Variants in HMG20B observed in about 807,000 individuals in gnomAD.
HMG20B encodes high mobility group 20B, also known as SWI/SNF-related matrix-associated actin-dependent regulator of chromatin subfamily E member 1-related.
Under a neutral mutation model 41.6 loss-of-function variants are expected in HMG20B, and 24 were observed. That is an observed-to-expected ratio of 0.58 (90% CI 0.42 to 0.81). HMG20B has a LOEUF of 0.81. HMG20B is among the 30% of genes least tolerant of loss of function. The pLI, the probability that HMG20B is intolerant of heterozygous loss-of-function variation, is 0.00. For missense variants in HMG20B, 461 were observed against 444.0 expected (o/e 1.04, Z -0.34); for synonymous variants, 251 against 186.6 (o/e 1.34, Z -2.81).
Position 3,578,953 on chromosome 19 carries a change from T to G in HMG20B, c.*432T>G. On this transcript the variant is annotated 3_prime_UTR_variant, in exon 10 of 10. Coordinates refer to ENST00000333651, the MANE Select transcript of HMG20B (RefSeq NM_006339.3). ...ACCTGGGGTGTCCCCCGCATGCCTG[T>G]ACCCCAGATGGGTGGGGGCCGGCTT... 1 of 386,256 alleles carries G rather than the reference T, an allele frequency of 2.6e-6. No individual in the cohort carries two copies. The highest frequency in any genetic ancestry group is 5.1e-6 in the Non-Finnish European group (1 of 194,758). The allele number at this position is 386,256 out of a possible 1,614,324, so 23.9% of individuals were successfully genotyped here. A position where few individuals can be genotyped will look rare whatever the true frequency, so the allele number is the denominator to read the frequency against.
At chr19:3,576,478 T>G (rs2032164735) in intron 6 of HMG20B, 75 bp from the exon 7 acceptor site, 6 of 1,450,940 alleles carry the variant, frequency 4.1e-6, no homozygotes, top group Non-Finnish European at 5.8e-6. Flanking sequence ...GAGACCCTCC[T>G]AGGCTTGGGG....
intron 2 of HMG20B, 104 bp downstream of exon 2, chr19:3,573,451 C>A (rs542952568): frequency 4.0e-6 from 5 of 1,256,456 alleles, no homozygotes; most frequent in South Asian, 1.5e-5. Flanking sequence ...TTGACTCCCC[C>A]ACCTGGGTCA....
At position 3,575,577 on chromosome 19, in the gene HMG20B, A is replaced by G. The variant is rs1349461425; in HGVS notation, c.389A>G (p.Tyr130Cys). The change falls in exon 5 of 10, where the codon TAC becomes TGC. Residue 130 changes from tyrosine to cysteine, a missense_variant. Transcript: ENST00000333651. ...GAGGCCGAGAGAGAGAAGCAGCAGT[A>G]CATGAAGGAGCTGCGGGCGTACCAG... ...LDEAEREKQQ[Y>C]MKELRAYQQS... 2 of 1,559,418 alleles carry G rather than the reference A, an allele frequency of 1.3e-6. No individual in the cohort carries two copies. Among genetic ancestry groups the G allele is most frequent in the Non-Finnish European group, 1.7e-6 (2 of 1,151,994 alleles).
Position 3,573,780 on chromosome 19 carries a change from A to G in HMG20B, c.127A>G (p.Lys43Glu). 6.3e-7 allele frequency: 1 copy of G among 1,578,482 alleles called. No individual in the cohort carries two copies. ...CGGCGAGGGTCCACGCGCGGGCGAGAAGGGGTCCCACGAGGAGGAGGTGAG... is the reference window on the plus strand; with the variant it reads ...CGGCGAGGGTCCACGCGCGGGCGAGGAGGGGTCCCACGAGGAGGAGGTGAG... The part of the protein sequence containing the change: ...ERGEGPRAGE[K>E]GSHEEEPVKK... The change falls in exon 3 of 10, where the codon AAG (lysine) becomes GAG (glutamate). Residue 43 changes from lysine (K) to glutamate (E), a missense_variant. This residue lies in a region of HMG20B where 104 missense variants were observed against 76.5 expected (regional missense o/e 1.36). Transcript: ENST00000333651.
chr19:3,578,726 CGCT>C lies in HMG20B; in HGVS notation c.*208_*210del, dbSNP rs3833282. 240 of 786,448 alleles carry C rather than the reference CGCT, an allele frequency of 3.1e-4. 1 individual carries two copies. In the East Asian group the frequency reaches 4.6e-3, roughly 15 times the overall value. 48.7% of individuals were successfully genotyped at this position (786,448 alleles called of 1,614,324 possible). A position where few individuals can be genotyped will look rare whatever the true frequency, so the allele number is the denominator to read the frequency against. On this transcript the variant is annotated 3_prime_UTR_variant, in exon 10 of 10. Transcript: ENST00000333651. ...GCCCCCTGAACCCGGAAAAAGCACT[CGCT>C]GCGCGATACACCCAGAAGAACCTCA...
At position 3,578,817 on chromosome 19, in the gene HMG20B, C is replaced by T; in HGVS notation, c.*296C>T. The T allele has an allele frequency of 1.4e-6, 1 of 696,348 alleles. No individual in the cohort carries two copies. Among genetic ancestry groups the T allele is most frequent in the Non-Finnish European group, 2.6e-6 (1 of 378,784 alleles). The allele number at this position is 696,348 out of a possible 1,614,324, so 43.1% of individuals were successfully genotyped here. A position where few individuals can be genotyped will look rare whatever the true frequency, so the allele number is the denominator to read the frequency against. On this transcript the variant is annotated 3_prime_UTR_variant, in exon 10 of 10. Transcript: ENST00000333651. ...CTACACTGGCTCTCCGGGCCACCCCCAGGACACAGGGCAGACGAAACCCAC... is the reference window on the plus strand; with the variant it reads ...CTACACTGGCTCTCCGGGCCACCCCTAGGACACAGGGCAGACGAAACCCAC...
rs776310431 is a variant in HMG20B at position 3,573,826 on chromosome 19, G to T, written c.147+26G>T. 1.9e-6 allele frequency: 3 copies of T among 1,567,172 alleles called. No homozygotes were observed. In the East Asian group the frequency reaches 6.9e-5, roughly 36 times the overall value. ...GTGAGAGTCCCTGCGCTGAGCTGGG[G>T]GAGGCCCCGGGCTCCCGCCCCAGCC... is the stretch of plus-strand genomic sequence containing the variant. On this transcript the variant is annotated intron_variant, in intron 3 of 9. Transcript: ENST00000333651.
rs533041102 is a variant in HMG20B, at chr19:3,578,948, G to C, written c.*427G>C. 2.5e-6 allele frequency: 1 copy of C among 402,502 alleles called. No homozygotes were observed. 24.9% of individuals were successfully genotyped at this position (402,502 alleles called of 1,614,324 possible). The stretch of plus-strand genomic sequence containing the variant: ...GACTTACCTGGGGTGTCCCCCGCAT[G>C]CCTGTACCCCAGATGGGTGGGGGCC... On this transcript the variant is annotated 3_prime_UTR_variant, in exon 10 of 10. Coordinates refer to ENST00000333651, the MANE Select transcript of HMG20B (RefSeq NM_006339.3).
At chr19:3,577,196 C>T in intron 8 of HMG20B, 89 bp downstream of exon 8, 3 of 957,286 alleles carry the variant, frequency 3.1e-6, no homozygotes, top group Non-Finnish European at 2.9e-6. Flanking sequence ...CTTCCCCTGT[C>T]GCCCGGCGCC....
chr19:3,575,955 A>AAAG, intron 5 of HMG20B: 1 of 505,130 alleles, frequency 2.0e-6, no homozygotes, highest in East Asian at 3.3e-5. Context: ...AAAAAAAAAA[A>AAAG]AAAAGAAAAA....
chr19:3,573,102 C>G, intron 1 of HMG20B, 108 bp downstream of exon 1: 2 of 508,550 alleles, frequency 3.9e-6, no homozygotes. Flanking sequence ...CCAGGCCTCC[C>G]GGGGGGGGCA....
At chr19:3,574,045 T>TG in intron 3 of HMG20B, 1 of 658,594 alleles carries the variant, frequency 1.5e-6, no homozygotes, top group Non-Finnish European at 2.7e-6. Flanking sequence ...TTCCACTCCT[T>TG]GGGGGCGGCA....
intron 1 of HMG20B, 30 bp from the exon 2 acceptor site, chr19:3,573,262 T>C (rs1360428776): frequency 3.3e-6 from 5 of 1,507,312 alleles, no homozygotes; most frequent in South Asian, 2.4e-5. Flanking sequence ...GCCCGGGCGC[T>C]ACTCACCTCC....
rs771374499 is a variant in HMG20B at position 3,576,920 on chromosome 19, G to T, written c.621G>T (p.Arg207=). The T allele has an allele frequency of 2.0e-5, 32 of 1,581,688 alleles. No individual in the cohort carries two copies. The highest frequency in any genetic ancestry group is 2.5e-5 in the Non-Finnish European group (29 of 1,165,588). ...GTGAGGCGGAGCTTCGGCGCTTGCG[G>T]AAGATGAATGTGGCCTTCGAGGAGC... The part of the protein sequence containing the change: ...KAREAELRRL[R]KMNVAFEEQN... The change falls in exon 8 of 10, where the codon CGG becomes CGT. Residue 207 remains arginine (R), a synonymous_variant. Coordinates refer to ENST00000333651, the MANE Select transcript of HMG20B (RefSeq NM_006339.3).
chr19:3,577,160 CCT>C (rs1417727744), intron 8 of HMG20B, 53 bp downstream of exon 8: 4 of 1,191,732 alleles, frequency 3.4e-6, no homozygotes, highest in African/African-American at 3.8e-5. Flanking sequence ...GCCCCGCCCG[CCT>C]CCCCCCCCCT....
chr19:3,574,632 T>C (rs1021261375), intron 4 of HMG20B, 46 bp downstream of exon 4: 13 of 1,492,994 alleles, frequency 8.7e-6, no homozygotes, highest in Non-Finnish European at 9.9e-6. Context: ...GTCCACGGAC[T>C]ACCCCCCAGT....
rs2032139703 is a variant in HMG20B, at chr19:3,575,564, G to A, written c.376G>A (p.Glu126Lys). The A allele has an allele frequency of 6.4e-7, 1 of 1,561,370 alleles. No individual in the cohort carries two copies. The highest frequency in any genetic ancestry group is 8.7e-7 in the Non-Finnish European group (1 of 1,153,182). ...KQRYLDEAER[E>K]KQQYMKELRA... is the part of the protein sequence containing the mutation. ...GCGGTACCTGGATGAGGCCGAGAGAGAGAAGCAGCAGTACATGAAGGAGCT... is the reference window on the plus strand; with the variant it reads ...GCGGTACCTGGATGAGGCCGAGAGAAAGAAGCAGCAGTACATGAAGGAGCT... The change falls in exon 5 of 10, where the codon GAG becomes AAG. Residue 126 changes from glutamate (E) to lysine (K), a missense_variant. Transcript: ENST00000333651.
At chr19:3,578,203 TG>T (rs749158907) in intron 9 of HMG20B, 90 bp downstream of exon 9, 1 of 1,522,346 alleles carries the variant, frequency 6.6e-7, no homozygotes, top group South Asian at 1.2e-5. Context: ...GGCTGCTGGG[TG>T]GGACTCCGCA....
In HMG20B at chr19:3,574,715, C is replaced by CTT. The variant is rs142748294; in HGVS notation, c.351+147_351+148dup. The CTT allele has an allele frequency of 8.6e-3, 4,954 of 579,414 alleles. 2 individuals are homozygous for CTT. Among genetic ancestry groups the CTT allele is most frequent in the African/African-American group, 0.012 (563 of 47,930 alleles). The allele number at this position is 579,414 out of a possible 1,614,324, so 35.9% of individuals were successfully genotyped here. On this transcript the variant is annotated intron_variant, in intron 4 of 9. Coordinates refer to ENST00000333651, the MANE Select transcript of HMG20B (RefSeq NM_006339.3). ...TGGAGAAATGCCCACCCATAACCAA[C>CTT]TTTTTTTTTTTTTTTTTTTGTGAGA...
Sources: allele counts gnomAD v4.1 joint callset, GRCh38; gene constraint gnomAD v4.1.1; regional missense constraint gnomAD v4.1.1; transcripts MANE v1.5; gene names NCBI Gene and HGNC (gene_info 2026-07-23, HGNC 2026-07-21).